Variants in PAXBP1 observed in about 807,000 individuals in gnomAD.
The protein encoded by PAXBP1 is PAX3 and PAX7 binding protein 1, also known as PAX3- and PAX7-binding protein 1.
PAXBP1 carries 44 observed loss-of-function variants against 119.9 expected under a neutral mutation model. That is an observed-to-expected ratio of 0.37 (90% CI 0.29 to 0.47). The LOEUF (loss-of-function observed/expected upper bound fraction) is 0.47, where lower values mean the gene tolerates loss of function less well. PAXBP1 is among the 20% of genes least tolerant of loss of function. The pLI is 0.99. For missense variants in PAXBP1, 898 were observed against 1,134.1 expected (o/e 0.79, Z 2.99); for synonymous variants, 393 against 406.6 (o/e 0.97, Z 0.40).
intron 4 of PAXBP1, 123 bp from the exon 5 acceptor site, chr21:32,761,285 A>G (rs1193319450): frequency 1.3e-6 from 1 of 741,812 alleles, no homozygotes. Flanking sequence ...AAAATGTCTA[A>G]TATGATCTCC....
intron 17 of PAXBP1, among the ~76,000 whole-genome samples, chr21:32,735,352 T>C (rs759976648): frequency 3.3e-5 from 5 of 152,192 alleles, no homozygotes; most frequent in African/African-American, 1.2e-4. Context: ...TTCATTAATA[T>C]TGAGAAAGAA....
At position 32,761,299 on chromosome 21, in the gene PAXBP1, C is replaced by G. The variant is rs955331768; in HGVS notation, c.872-137G>C. 7 of 695,092 alleles carry G rather than the reference C, an allele frequency of 1.0e-5. No homozygotes were observed. In the East Asian group the frequency reaches 1.5e-4, roughly 15 times the overall value. The allele number at this position is 695,092 out of a possible 1,614,324, so 43.1% of individuals were successfully genotyped here. A position where few individuals can be genotyped will look rare whatever the true frequency, so the allele number is the denominator to read the frequency against. ...TAAAATGTCTAATATGATCTCCTCT[C>G]TCATTTGGTAGTCCTGACTTTGCCT... On this transcript the variant is annotated intron_variant, in intron 4 of 17. Coordinates refer to ENST00000331923, the MANE Select transcript of PAXBP1 (RefSeq NM_016631.4).
chr21:32,739,930 C>T (rs1030886657), intron 15 of PAXBP1, among the ~76,000 whole-genome samples: 10 of 104,792 alleles, frequency 9.5e-5, no homozygotes, highest in Non-Finnish European at 1.4e-4. Context: ...CACAAGACCT[C>T]GTCTCTTTAA....
At chr21:32,753,294 T>TAA (rs945365864) in intron 8 of PAXBP1, among the ~76,000 whole-genome samples, 4 of 151,178 alleles carry the variant, frequency 2.6e-5, no homozygotes, top group African/African-American at 9.7e-5. Flanking sequence ...CCGTCTCTAC[T>TAA]AAAAAAAATA....
intron 7 of PAXBP1, among the ~76,000 whole-genome samples, chr21:32,758,203 A>G (rs1246129168): frequency 6.6e-6 from 1 of 152,252 alleles, no homozygotes; most frequent in Non-Finnish European, 1.5e-5. Context: ...GTTGAAATAC[A>G]TATTTAACCA....
Position 32,750,974 on chromosome 21 carries a change from G to A in PAXBP1, c.1666C>T (p.Leu556Phe). Residue 556 changes from leucine to phenylalanine, a missense_variant, in exon 10 of 18, where the codon CTT becomes TTT. This residue lies in a region of PAXBP1 where 599 missense variants were observed against 852.7 expected (regional missense o/e 0.70). Transcript: ENST00000331923. ...GAAGTTTCTTCATCATCACTGGAAA[G>A]GCCTTCAAGGTGATCTGCCATCTTA... is the stretch of plus-strand genomic sequence containing the variant. ...TGKMADHLEG[L>F]SSDDEETSTD... The A allele has an allele frequency of 1.2e-6, 2 of 1,614,036 alleles. No individual in the cohort carries two copies. The highest frequency in any genetic ancestry group is 1.7e-6 in the Non-Finnish European group (2 of 1,179,996).
At chr21:32,749,845 A>G (rs1333313436) in intron 10 of PAXBP1, among the ~76,000 whole-genome samples, 1 of 152,212 alleles carries the variant, frequency 6.6e-6, no homozygotes, top group Non-Finnish European at 1.5e-5. Context: ...GTCTCTTCAA[A>G]AATTTAAAGA....
At position 32,734,461 on chromosome 21, in the gene PAXBP1, C is replaced by T. The variant is rs369554714; in HGVS notation, c.*489G>A. 2 of 163,640 alleles carry T rather than the reference C, an allele frequency of 1.2e-5. No homozygotes were observed. The highest frequency in any genetic ancestry group is 4.8e-5 in the African/African-American group (2 of 41,498). The allele number at this position is 163,640 out of a possible 1,614,324, so 10.1% of individuals were successfully genotyped here. A position where few individuals can be genotyped will look rare whatever the true frequency, so the allele number is the denominator to read the frequency against. On this transcript the variant is annotated 3_prime_UTR_variant, in exon 18 of 18. Coordinates refer to ENST00000331923, the MANE Select transcript of PAXBP1 (RefSeq NM_016631.4). ...CAGCTACAGTGATAGCAACGCTAACCAAAAGGTAATGAACATTTAGTCACT... is the reference window on the plus strand; with the variant it reads ...CAGCTACAGTGATAGCAACGCTAACTAAAAGGTAATGAACATTTAGTCACT...
In PAXBP1 at chr21:32,771,513, G is replaced by C. The variant is rs1167474233; in HGVS notation, c.156C>G (p.Gly52=). Residue 52 remains glycine (G), a synonymous_variant, in exon 1 of 18, where the codon GGC becomes GGG. Transcript: ENST00000331923. ...GCCCCGGGCCCAGCAGCGACTCCCC[G>C]CCAGGGGCCCTGTCGCCGCCACCGG... ...AGPGGGDRAP[G]GESLLGPGPS... is the part of the protein sequence containing the mutation. 1.5e-6 allele frequency: 2 copies of C among 1,327,964 alleles called. No homozygotes were observed. Among genetic ancestry groups the C allele is most frequent in the African/African-American group, 3.1e-5 (2 of 64,766 alleles). The allele number at this position is 1,327,964 out of a possible 1,614,324, so 82.3% of individuals were successfully genotyped here. A position where few individuals can be genotyped will look rare whatever the true frequency, so the allele number is the denominator to read the frequency against.
rs1156671923 is a variant in PAXBP1, at chr21:32,743,883, T to C, written c.2191-129A>G. On this transcript the variant is annotated intron_variant, in intron 13 of 17. Transcript: ENST00000331923. ...TTCTCAAATTTTTAATTTTCCTCATTGAAGACCCTAAAGTAATTAATACTT... is the reference window on the plus strand; with the variant it reads ...TTCTCAAATTTTTAATTTTCCTCATCGAAGACCCTAAAGTAATTAATACTT... 5 of 584,544 alleles carry C rather than the reference T, an allele frequency of 8.6e-6. No individual in the cohort carries two copies. The East Asian group carries it at 1.5e-4, about 17-fold the overall frequency. The allele number at this position is 584,544 out of a possible 1,614,324, so 36.2% of individuals were successfully genotyped here.
In PAXBP1 at chr21:32,761,171, A is replaced by G; in HGVS notation, c.872-9T>C. ...ATCACTCCCCTCAATTCCTACAGCC[A>G]TGAGCAACAAAGAAAAGTAAGTAAC... On this transcript the variant is annotated splice_polypyrimidine_tract_variant and intron_variant, in intron 4 of 17. Coordinates refer to ENST00000331923, the MANE Select transcript of PAXBP1 (RefSeq NM_016631.4). The G allele has an allele frequency of 1.2e-6, 2 of 1,608,354 alleles. No individual in the cohort carries two copies. The highest frequency in any genetic ancestry group is 1.7e-6 in the Non-Finnish European group (2 of 1,176,178).
chr21:32,757,289 T>C (rs1168344462), intron 7 of PAXBP1, among the ~76,000 whole-genome samples: 1 of 152,032 alleles, frequency 6.6e-6, no homozygotes, highest in Non-Finnish European at 1.5e-5. Flanking sequence ...TACTTTTTTG[T>C]TTTTTCTTTA....
intron 2 of PAXBP1, among the ~76,000 whole-genome samples, chr21:32,767,074 C>A (rs755080815): frequency 6.6e-6 from 1 of 152,156 alleles, no homozygotes; most frequent in Non-Finnish European, 1.5e-5. Flanking sequence ...CAATTCCATT[C>A]ACCTTTAATT....
At chr21:32,740,705 T>C (rs1458504816) in intron 15 of PAXBP1, among the ~76,000 whole-genome samples, 1 of 151,936 alleles carries the variant, frequency 6.6e-6, no homozygotes, top group African/African-American at 2.4e-5. Context: ...TTCTTAGATA[T>C]GACATCTAAA....
intron 15 of PAXBP1, among the ~76,000 whole-genome samples, chr21:32,740,527 CT>C (rs1347857319): frequency 1.3e-5 from 2 of 152,266 alleles, no homozygotes; most frequent in East Asian, 3.9e-4. Flanking sequence ...AGGCTATCGC[CT>C]TTTCAACAAA....
chr21:32,737,916 T>A (rs2043716496), intron 16 of PAXBP1, among the ~76,000 whole-genome samples: 1 of 152,188 alleles, frequency 6.6e-6, no homozygotes, highest in Non-Finnish European at 1.5e-5. Context: ...TTTATACCTA[T>A]AAAAATATCA....
At chr21:32,739,613 A>G (rs2043744600) in intron 15 of PAXBP1, among the ~76,000 whole-genome samples, 1 of 152,084 alleles carries the variant, frequency 6.6e-6, no homozygotes, top group Non-Finnish European at 1.5e-5. Flanking sequence ...TAATTTATAG[A>G]CCTGTGGTTA....
At chr21:32,757,827 AG>A (rs774545327) in intron 7 of PAXBP1, among the ~76,000 whole-genome samples, 33 of 152,258 alleles carry the variant, frequency 2.2e-4, no homozygotes, top group Non-Finnish European at 3.5e-4. Flanking sequence ...TTTTGCCAGT[AG>A]GAAGGACATG....
At chr21:32,749,609 T>C (rs1235759405) in intron 10 of PAXBP1, among the ~76,000 whole-genome samples, 1 of 152,078 alleles carries the variant, frequency 6.6e-6, no homozygotes, top group Non-Finnish European at 1.5e-5. Flanking sequence ...TTGCTAATAG[T>C]GGGGACAGTC....
Sources: gnomAD v4.1 joint callset for allele counts (sites outside exome capture counted in the v4.1 genomes callset) on GRCh38, gnomAD v4.1.1 for gene constraint, gnomAD v4.1.1 regional missense constraint, MANE v1.5 for transcripts, NCBI Gene and HGNC (gene_info 2026-07-23, HGNC 2026-07-21) for gene names.